SGCD: variants seen among roughly 807,000 people sequenced by gnomAD.
SGCD encodes the protein sarcoglycan delta, also known as delta-sarcoglycan.
Under a neutral mutation model 36.6 loss-of-function variants are expected in SGCD, and 18 were observed. The ratio of observed to expected loss-of-function variants is 0.49; its 90% confidence interval spans 0.34 to 0.73. SGCD has a LOEUF of 0.73. Ranked by LOEUF, SGCD falls within the 30% of genes least tolerant of loss-of-function variation. The probability of loss-of-function intolerance (pLI) is 0.01; values close to 1 mark genes in which losing one functional copy is unlikely to be tolerated. For missense variants in SGCD, 387 were observed against 346.7 expected (o/e 1.12, Z -0.92); for synonymous variants, 133 against 130.6 (o/e 1.02, Z -0.12).
intron 1 of SGCD, among the ~76,000 whole-genome samples, chr5:156,038,487 A>T (rs1759554579): frequency 6.6e-6 from 1 of 152,174 alleles, no homozygotes; most frequent in African/African-American, 2.4e-5. Flanking sequence ...TGGCTATATA[A>T]GATGTTGATC....
chr5:156,274,358 C>T (rs541545580), intron 3 of SGCD, among the ~76,000 whole-genome samples: 4 of 152,176 alleles, frequency 2.6e-5, no homozygotes, highest in African/African-American at 9.6e-5. Flanking sequence ...GTCCCTATTT[C>T]TCAGTCTGAG....
intron 3 of SGCD, among the ~76,000 whole-genome samples, chr5:156,492,623 G>A (rs1755995932): frequency 6.6e-6 from 1 of 152,038 alleles, no homozygotes; most frequent in Admixed American, 6.6e-5. Context: ...ATGCAGGTTT[G>A]TTACATAGGT....
At chr5:156,390,574 C>T (rs937597610) in intron 3 of SGCD, among the ~76,000 whole-genome samples, 1 of 152,068 alleles carries the variant, frequency 6.6e-6, no homozygotes, top group African/African-American at 2.4e-5. Flanking sequence ...CTACTAAATA[C>T]AAAAGATCAG....
At chr5:155,773,624 A>G in the SGCD span, among the ~76,000 whole-genome samples, 1 of 152,218 alleles carries the variant, frequency 6.6e-6, no homozygotes, top group African/African-American at 2.4e-5. Context: ...ATATGTGAAC[A>G]GATGATTATA....
intron 1 of SGCD, among the ~76,000 whole-genome samples, chr5:155,975,613 T>C (rs1277775499): frequency 0.02 from 886 of 45,432 alleles, 44 homozygotes; most frequent in South Asian, 0.036. Flanking sequence ...TCTTTCCTTT[T>C]TTTTTTTTTT....
the SGCD span, among the ~76,000 whole-genome samples, chr5:155,836,595 C>T: frequency 3.3e-5 from 5 of 152,108 alleles, no homozygotes; most frequent in Admixed American, 6.5e-5. Flanking sequence ...GGCAGCTCTG[C>T]TCTCAAGCCC....
intron 3 of SGCD, among the ~76,000 whole-genome samples, chr5:156,306,457 T>A (rs1767215836): frequency 6.6e-6 from 1 of 152,208 alleles, no homozygotes; most frequent in Non-Finnish European, 1.5e-5. Flanking sequence ...CCATTAAACC[T>A]TTTTCTTTTG....
At chr5:156,286,144 G>C (rs1449153425) in intron 3 of SGCD, among the ~76,000 whole-genome samples, 1 of 152,170 alleles carries the variant, frequency 6.6e-6, no homozygotes, top group South Asian at 2.1e-4. Context: ...ACACCAGTTA[G>C]AATGGTGATC....
intron 1 of SGCD, among the ~76,000 whole-genome samples, chr5:156,023,390 GAGAATT>G (rs1444394665): frequency 6.6e-6 from 1 of 152,238 alleles, no homozygotes; most frequent in Non-Finnish European, 1.5e-5. Context: ...GTATTGGAGT[GAGAATT>G]AGAATTAGAG....
intron 1 of SGCD, among the ~76,000 whole-genome samples, chr5:155,903,066 A>G (rs1288539982): frequency 6.6e-6 from 1 of 152,206 alleles, no homozygotes; most frequent in African/African-American, 2.4e-5. Flanking sequence ...AATGCAAATG[A>G]GAATTTTTCT....
chr5:155,893,583 C>T (rs373805268), intron 1 of SGCD, among the ~76,000 whole-genome samples: 70 of 152,252 alleles, frequency 4.6e-4, no homozygotes, highest in Middle Eastern at 3.4e-3. Flanking sequence ...AGATGGAAAA[C>T]GCCTGAATTT....
intron 3 of SGCD, among the ~76,000 whole-genome samples, chr5:156,296,215 T>G: frequency 6.6e-6 from 1 of 152,152 alleles, no homozygotes; most frequent in Non-Finnish European, 1.5e-5. Context: ...GAAGGTCAAG[T>G]GGGTTGTACC....
chr5:155,779,668 T>A, the SGCD span, among the ~76,000 whole-genome samples: 7 of 152,102 alleles, frequency 4.6e-5, no homozygotes, highest in Admixed American at 3.9e-4. Context: ...GTGGACCAGA[T>A]AATGAAATGT....
At chr5:156,632,748 A>C (rs1476995193) in intron 6 of SGCD, among the ~76,000 whole-genome samples, 1 of 152,136 alleles carries the variant, frequency 6.6e-6, no homozygotes, top group Non-Finnish European at 1.5e-5. Flanking sequence ...CTGCCTTCTG[A>C]GTGGCATTTT....
At position 156,307,126 on chromosome 5, in the gene SGCD, C is replaced by T. The variant is rs143308762; in HGVS notation, c.-43-22408C>T. The stretch of plus-strand genomic sequence containing the variant: ...GCACAAACACAGATAACTGCAGGCT[C>T]AACTTCCTGGGCCCAAGCAATCCTT... On this transcript the variant is annotated intron_variant, in intron 3 of 9. Coordinates refer to the SGCD transcript ENST00000517913. Among the ~76,000 whole-genome samples the T allele has an allele frequency of 2.0e-3, 296 of 150,620 alleles. 2 individuals are homozygous for T. Among genetic ancestry groups the T allele is most frequent in the African/African-American group, 6.8e-3 (280 of 40,976 alleles).
chr5:156,457,135 A>G (rs1008138580), intron 3 of SGCD, among the ~76,000 whole-genome samples: 2 of 152,156 alleles, frequency 1.3e-5, no homozygotes, highest in Non-Finnish European at 2.9e-5. Context: ...ATCTTTGTTT[A>G]TTGTACTCCA....
chr5:156,127,854 CAAAAAAAAAAAA>C (rs56822746), intron 3 of SGCD, among the ~76,000 whole-genome samples: 6 of 18,446 alleles, frequency 3.3e-4, no homozygotes, highest in African/African-American at 1.0e-3. Context: ...AACATAAATG[CAAAAAAAAAAAA>C]AAAAAAAAAA....
the SGCD span, among the ~76,000 whole-genome samples, chr5:155,779,839 G>C: frequency 6.6e-6 from 1 of 152,062 alleles, no homozygotes; most frequent in African/African-American, 2.4e-5. Context: ...ATTTGCTTTT[G>C]TAGTGGGTAT....
chr5:156,677,085 A>G (rs1581383095), intron 7 of SGCD, among the ~76,000 whole-genome samples: 1 of 152,102 alleles, frequency 6.6e-6, no homozygotes, highest in East Asian at 1.9e-4. Flanking sequence ...AATCATCTCC[A>G]TTTTCCAGAT....
Sources: gnomAD v4.1 joint callset for allele counts (sites outside exome capture counted in the v4.1 genomes callset) on GRCh38, gnomAD v4.1.1 for gene constraint, MANE v1.5 for transcripts, NCBI Gene and HGNC (gene_info 2026-07-23, HGNC 2026-07-21) for gene names.